WDR20: variants seen among roughly 807,000 people sequenced by gnomAD.
WDR20 encodes the protein WD repeat domain 20.
In WDR20, 3 loss-of-function variants were observed where a neutral mutation model predicts 38.7. The ratio of observed to expected loss-of-function variants is 0.08; its 90% CI spans 0.04 to 0.20. The LOEUF (loss-of-function observed/expected upper bound fraction) is 0.20, where lower values mean the gene tolerates loss of function less well. WDR20 is among the 10% of genes least tolerant of loss of function. The pLI, the probability that WDR20 is intolerant of heterozygous loss-of-function variation, is 1.00. For synonymous variants in WDR20, 298 were observed against 285.6 expected, an observed-to-expected ratio of 1.04 and a Z score of -0.44; for missense variants, 559 against 727.7, an observed-to-expected ratio of 0.77 and a Z score of 2.67.
chr14:102,145,795 A>T (rs1230712993), intron 1 of WDR20, among the ~76,000 whole-genome samples: 2 of 152,264 alleles, frequency 1.3e-5, no homozygotes, highest in South Asian at 2.1e-4. Flanking sequence ...ATCAATAATA[A>T]ACAAAAACTA....
chr14:102,205,059 G>A (rs1347789142), intron 2 of WDR20, among the ~76,000 whole-genome samples: 2 of 152,174 alleles, frequency 1.3e-5, no homozygotes, highest in Admixed American at 6.5e-5. Flanking sequence ...TTTGAGACCA[G>A]CCTGGACAAC....
chr14:102,142,269 T>C (rs2051537281), intron 1 of WDR20, among the ~76,000 whole-genome samples: 1 of 152,218 alleles, frequency 6.6e-6, no homozygotes, highest in African/African-American at 2.4e-5. Context: ...TAATTGTAAC[T>C]TAAACATTTT....
In WDR20 at chr14:102,222,709, C is replaced by A; in HGVS notation, c.1693-121C>A. 1.0e-6 allele frequency: 1 copy of A among 984,618 alleles called. No homozygotes were observed. The highest frequency in any genetic ancestry group is 1.6e-6 in the Non-Finnish European group (1 of 619,632). The allele number at this position is 984,618 out of a possible 1,614,324, so 61.0% of individuals were successfully genotyped here. A position where few individuals can be genotyped will look rare whatever the true frequency, so the allele number is the denominator to read the frequency against. On this transcript the variant is annotated intron_variant, in intron 3 of 3. Coordinates refer to the WDR20 transcript ENST00000335263. This position sits in a 1 kb window ranked among gnomAD's most constrained non-coding sequence, Gnocchi z 4.4. ...AGATGAAGTGGAGGGTTTGCTCCCA[C>A]ACTGGCTTCCACATCAACAGCACCA... is the stretch of plus-strand genomic sequence containing the variant.
At chr14:102,179,462 A>G (rs1216677928) in intron 1 of WDR20, among the ~76,000 whole-genome samples, 1 of 151,112 alleles carries the variant, frequency 6.6e-6, no homozygotes, top group Non-Finnish European at 1.5e-5. Context: ...AAAAGAAAGA[A>G]AAAAGAAATG....
downstream of WDR20, chr14:102,214,015 G>GGCCCT (rs2062891073): frequency 1.1e-5 from 11 of 985,504 alleles, no homozygotes; most frequent in Non-Finnish European, 1.3e-5. Context: ...GGGATCCGGT[G>GGCCCT]GCCCTGCCCT....
At chr14:102,193,656 T>A in intron 1 of WDR20, 1 of 673,528 alleles carries the variant, frequency 1.5e-6, no homozygotes, top group Non-Finnish European at 2.4e-6. Flanking sequence ...AATTTTGAGG[T>A]CCTCTTTTCT....
rs569000715 is a variant in WDR20 at position 102,205,279 on chromosome 14, T to C, written c.433-3324T>C. On this transcript the variant is annotated intron_variant, in intron 2 of 2. Coordinates refer to ENST00000342702, the MANE Select transcript of WDR20 (RefSeq NM_144574.4). Reference sequence around the variant, plus strand: ...CTGTCTCAAAAAAAAAAAAAAGATATGGAATGAGAAAGCAGAGGTGAGACA... The same window carrying C: ...CTGTCTCAAAAAAAAAAAAAAGATACGGAATGAGAAAGCAGAGGTGAGACA... Among the ~76,000 whole-genome samples, 22 of 149,332 alleles carry C rather than the reference T, an allele frequency of 1.5e-4. No homozygotes were observed. The East Asian group carries it at 4.3e-3, about 29-fold the overall frequency.
chr14:102,210,665 C>G, downstream of WDR20: 1 of 489,592 alleles, frequency 2.0e-6, no homozygotes, highest in African/African-American at 2.1e-5. Flanking sequence ...AAGCGAAGAC[C>G]TTTTCTTCAG....
chr14:102,176,904 A>T (rs1191762580), intron 1 of WDR20, among the ~76,000 whole-genome samples: 1 of 151,798 alleles, frequency 6.6e-6, no homozygotes, highest in Non-Finnish European at 1.5e-5. Context: ...AATTATTTGT[A>T]TTATTATTAT....
At chr14:102,198,668 G>T (rs919399724) in intron 2 of WDR20, among the ~76,000 whole-genome samples, 2 of 152,218 alleles carry the variant, frequency 1.3e-5, no homozygotes, top group Admixed American at 6.5e-5. Context: ...GCCTGATCCA[G>T]ATTTGTTTCT....
intron 1 of WDR20, among the ~76,000 whole-genome samples, chr14:102,189,432 G>A (rs1356955564): frequency 3.3e-5 from 5 of 152,104 alleles, no homozygotes; most frequent in African/African-American, 4.8e-5. Flanking sequence ...AAACTCATGA[G>A]CATAATGATA....
intron 1 of WDR20, among the ~76,000 whole-genome samples, chr14:102,179,441 TAA>T (rs5811061): frequency 1.2e-3 from 167 of 136,006 alleles, no homozygotes; most frequent in East Asian, 4.6e-3. Context: ...TTTTTTTTTC[TAA>T]AAAAAAAAAA....
downstream of WDR20, among the ~76,000 whole-genome samples, chr14:102,218,968 G>A (rs2063563304): frequency 6.6e-6 from 1 of 152,206 alleles, no homozygotes; most frequent in Non-Finnish European, 1.5e-5. Context: ...TTTCTCCCAT[G>A]AAAAGGAAGC....
intron 1 of WDR20, among the ~76,000 whole-genome samples, chr14:102,190,216 T>C (rs2065976479): frequency 1.3e-5 from 2 of 152,010 alleles, no homozygotes; most frequent in African/African-American, 2.4e-5. Context: ...GTGACTAGGA[T>C]TGGATTGGAT....
At chr14:102,175,186 TTAGA>T (rs1449869982) in intron 1 of WDR20, among the ~76,000 whole-genome samples, 1 of 152,230 alleles carries the variant, frequency 6.6e-6, no homozygotes, top group African/African-American at 2.4e-5. Context: ...TGGTTTCAGG[TTAGA>T]TTTAAGTCTT....
At chr14:102,143,154 A>C (rs935159969) in intron 1 of WDR20, among the ~76,000 whole-genome samples, 2 of 152,192 alleles carry the variant, frequency 1.3e-5, no homozygotes, top group Non-Finnish European at 2.9e-5. Flanking sequence ...ATTTTTTCTC[A>C]TAGTAAGGAA....
At chr14:102,197,753 A>C (rs1291670983) in intron 2 of WDR20, 1 of 701,014 alleles carries the variant, frequency 1.4e-6, no homozygotes, top group Admixed American at 2.0e-5. Context: ...GTGTTTTTTT[A>C]GAACTCTTGT....
intron 1 of WDR20, among the ~76,000 whole-genome samples, chr14:102,146,511 A>G (rs1300102695): frequency 6.6e-6 from 1 of 152,304 alleles, no homozygotes; most frequent in East Asian, 1.9e-4. Context: ...GGCCAGAAGA[A>G]GAGTCAGTTG....
chr14:102,210,046 G>C lies in WDR20; in HGVS notation c.*166G>C. 1 of 1,403,196 alleles carries C rather than the reference G, an allele frequency of 7.1e-7. No individual in the cohort carries two copies. Among genetic ancestry groups the C allele is most frequent in the Non-Finnish European group, 9.2e-7 (1 of 1,085,340 alleles). The allele number at this position is 1,403,196 out of a possible 1,614,324, so 86.9% of individuals were successfully genotyped here. A position where few individuals can be genotyped will look rare whatever the true frequency, so the allele number is the denominator to read the frequency against. ...CATGCCATGTAATTCTGAATCATTT[G>C]ATAATTTACCTTAGAGCATTTAAAA... On this transcript the variant is annotated 3_prime_UTR_variant, in exon 3 of 3. Transcript: ENST00000342702.
Sources: gnomAD v4.1 joint callset for allele counts (sites outside exome capture counted in the v4.1 genomes callset) on GRCh38, gnomAD v4.1.1 for gene constraint, Gnocchi (gnomAD v3.1) non-coding constraint, MANE v1.5 for transcripts, NCBI Gene and HGNC (gene_info 2026-07-23, HGNC 2026-07-21) for gene names.